RELL1: variants seen among roughly 807,000 people sequenced by gnomAD.
The protein encoded by RELL1 is RELT-like protein 1.
RELL1 carries 10 observed loss-of-function variants against 23.0 expected under a neutral mutation model. The observed-to-expected ratio is 0.43, with a 90% CI of 0.27 to 0.74. The LOEUF (loss-of-function observed/expected upper bound fraction) is 0.74. Among genes scored for constraint, RELL1 ranks in the 30% least tolerant of loss-of-function variants. RELL1 has a pLI of 0.19. For missense variants in RELL1, 315 were observed against 364.4 expected (o/e 0.86, Z 1.10); for synonymous variants, 146 against 146.8 (o/e 0.99, Z 0.04).
At chr4:37,605,287 A>G (rs1285076174) in intron 6 of RELL1, among the ~76,000 whole-genome samples, 1 of 152,180 alleles carries the variant, frequency 6.6e-6, no homozygotes, top group Non-Finnish European at 1.5e-5. Flanking sequence ...GGGGCCTAGT[A>G]GCTGTGACAT....
At chr4:37,616,486 G>T (rs16993723) in intron 6 of RELL1, among the ~76,000 whole-genome samples, 11 of 152,108 alleles carry the variant, frequency 7.2e-5, no homozygotes, top group African/African-American at 2.7e-4. Context: ...ATGCTGCCAG[G>T]GTCTCTCTCA....
chr4:37,666,525 T>C (rs1349481618), intron 1 of RELL1, among the ~76,000 whole-genome samples: 1 of 152,264 alleles, frequency 6.6e-6, no homozygotes, highest in Non-Finnish European at 1.5e-5. Context: ...CTAGCCATTA[T>C]TGCTGTGATT....
chr4:37,625,792 G>A (rs1719916607), intron 6 of RELL1, among the ~76,000 whole-genome samples: 1 of 152,090 alleles, frequency 6.6e-6, no homozygotes, highest in Non-Finnish European at 1.5e-5. Context: ...AATATATGAT[G>A]TAATACATAT....
downstream of RELL1, among the ~76,000 whole-genome samples, chr4:37,607,579 CTTTTTTT>C (rs59939694): frequency 8.8e-6 from 1 of 113,960 alleles, no homozygotes; most frequent in Non-Finnish European, 1.9e-5. Context: ...TCTTTCTTTT[CTTTTTTT>C]TTTTTTTTTT....
chr4:37,586,824 C>A (rs1260277950), downstream of RELL1, among the ~76,000 whole-genome samples: 1 of 152,168 alleles, frequency 6.6e-6, no homozygotes, highest in Non-Finnish European at 1.5e-5. Context: ...GCAGGAGAAT[C>A]ACTTGAACCA....
chr4:37,682,914 C>T (rs914419530), intron 1 of RELL1, among the ~76,000 whole-genome samples: 1 of 152,192 alleles, frequency 6.6e-6, no homozygotes, highest in African/African-American at 2.4e-5. Flanking sequence ...GAGAGAGAAA[C>T]TAATAAACCT....
chr4:37,606,593 G>A (rs1719229314), downstream of RELL1, among the ~76,000 whole-genome samples: 1 of 152,242 alleles, frequency 6.6e-6, no homozygotes, highest in African/African-American at 2.4e-5. This position sits in a 1 kb window ranked among gnomAD's most constrained non-coding sequence, Gnocchi z 4.1. Flanking sequence ...GACACAGAAT[G>A]CCAGAATTGC....
At chr4:37,632,508 C>T (rs1048381327) in intron 5 of RELL1, among the ~76,000 whole-genome samples, 3 of 152,164 alleles carry the variant, frequency 2.0e-5, no homozygotes, top group Admixed American at 6.5e-5. Context: ...TGGTTAAATG[C>T]TCAACTGGTT....
intron 1 of RELL1, among the ~76,000 whole-genome samples, chr4:37,671,676 C>G (rs770647236): frequency 5.3e-5 from 8 of 152,154 alleles, no homozygotes; most frequent in Admixed American, 2.6e-4. Flanking sequence ...CCTTGTTCGG[C>G]GTATAATCAA....
intron 5 of RELL1, among the ~76,000 whole-genome samples, chr4:37,632,161 T>TG (rs1436684146): frequency 1.7e-5 from 1 of 60,222 alleles, no homozygotes; most frequent in East Asian, 3.6e-4. Context: ...TTTCTAACAA[T>TG]GATCAGTTTT....
downstream of RELL1, among the ~76,000 whole-genome samples, chr4:37,607,579 CTTTTTT>C (rs59939694): frequency 2.6e-5 from 3 of 113,958 alleles, no homozygotes. Context: ...TCTTTCTTTT[CTTTTTT>C]TTTTTTTTTT....
At chr4:37,643,517 C>A (rs1049419030) in intron 3 of RELL1, among the ~76,000 whole-genome samples, 5 of 152,086 alleles carry the variant, frequency 3.3e-5, no homozygotes, top group Non-Finnish European at 7.3e-5. Flanking sequence ...CCTAAACACA[C>A]GTGGGAAAAG....
chr4:37,630,598 C>A (rs112095491), intron 6 of RELL1, among the ~76,000 whole-genome samples: 11,210 of 151,880 alleles, frequency 0.074, 845 homozygotes, highest in East Asian at 0.33. Context: ...ATCTCCTGAC[C>A]TCATGATCCG....
At chr4:37,593,662 C>T (rs1718723317) in intron 6 of RELL1, among the ~76,000 whole-genome samples, 1 of 152,132 alleles carries the variant, frequency 6.6e-6, no homozygotes, top group South Asian at 2.1e-4. Flanking sequence ...CAAATAAACT[C>T]AGAATGCAGT....
Position 37,673,863 on chromosome 4 carries a change from T to G in RELL1, c.88+12337A>C, listed in dbSNP as rs541132723. 4.6e-5 allele frequency among the ~76,000 whole-genome samples: 7 copies of G among 152,324 alleles called. No individual in the cohort carries two copies. In the South Asian group the frequency reaches 8.3e-4, roughly 18 times the overall value. ...GTGCAGTTTCAGGGGCTCTGTCGCC[T>G]AACCTCAGTCTCCCCTCTGCAGCCT... On this transcript the variant is annotated intron_variant, in intron 1 of 6. Transcript: ENST00000454158.
At chr4:37,622,699 A>G (rs1719807553) in intron 6 of RELL1, 2 of 418,914 alleles carry the variant, frequency 4.8e-6, no homozygotes, top group Non-Finnish European at 9.3e-6. Flanking sequence ...GCACTAGGAT[A>G]GAAGCTCTGT....
chr4:37,605,484 G>A (rs983058221), intron 6 of RELL1, among the ~76,000 whole-genome samples: 2 of 152,116 alleles, frequency 1.3e-5, no homozygotes, highest in African/African-American at 4.8e-5. Flanking sequence ...GAAAGGACCT[G>A]TAATCCTAGC....
At chr4:37,647,177 G>T (rs560516400) in intron 3 of RELL1, among the ~76,000 whole-genome samples, 191 bp downstream of exon 3, 4 of 152,192 alleles carry the variant, frequency 2.6e-5, no homozygotes, top group Non-Finnish European at 5.9e-5. Flanking sequence ...TCTCTGCAAC[G>T]CTTAGACCGA....
In RELL1 at chr4:37,650,945, G is replaced by C. The variant is rs141625632; in HGVS notation, c.89-1445C>G. ...ATTGTGGTACACAACTGTGGTGCCA[G>C]CTACTGGAGAGGCAGAGGTGAGAGG... is the stretch of plus-strand genomic sequence containing the variant. On this transcript the variant is annotated intron_variant, in intron 1 of 6. Transcript: ENST00000454158. 6.6e-5 allele frequency among the ~76,000 whole-genome samples: 10 copies of C among 151,990 alleles called. No homozygotes were observed. The East Asian group carries it at 1.9e-3, about 30-fold the overall frequency.
Sources: gnomAD v4.1 joint callset for allele counts (sites outside exome capture counted in the v4.1 genomes callset) on GRCh38, gnomAD v4.1.1 for gene constraint, Gnocchi (gnomAD v3.1) non-coding constraint, MANE v1.5 for transcripts, NCBI Gene and HGNC (gene_info 2026-07-23, HGNC 2026-07-21) for gene names.